The following ANO3 variants were observed in gnomAD, a reference collection of about 807,000 sequenced individuals.
The protein encoded by ANO3 is anoctamin 3.
A neutral mutation model predicts 144.8 loss-of-function variants in ANO3; 99 were observed. The ratio of observed to expected loss-of-function variants is 0.68; its 90% CI spans 0.58 to 0.81. ANO3 has a LOEUF of 0.81. Among genes scored for constraint, ANO3 ranks in the 30% least tolerant of loss-of-function variants. The pLI, the probability that ANO3 is intolerant of heterozygous loss-of-function variation, is 0.00. For synonymous variants in ANO3, 414 were observed against 392.6 expected, an observed-to-expected ratio of 1.05 and a Z score of -0.64; for missense variants, 905 against 1,202.2, an observed-to-expected ratio of 0.75 and a Z score of 3.66.
At chr11:26,578,733 GA>G (rs1475367845) in intron 14 of ANO3, among the ~76,000 whole-genome samples, 1 of 152,126 alleles carries the variant, frequency 6.6e-6, no homozygotes, top group Non-Finnish European at 1.5e-5. Context: ...AGAATATGGG[GA>G]TAGAGGCCTA....
chr11:26,515,745 G>A (rs1429613934), intron 5 of ANO3, among the ~76,000 whole-genome samples: 1 of 151,950 alleles, frequency 6.6e-6, no homozygotes, highest in Admixed American at 6.6e-5. Context: ...ATAATGAACA[G>A]TGTTAATCAA....
At chr11:26,615,339 T>C (rs1009370727) in intron 17 of ANO3, among the ~76,000 whole-genome samples, 2 of 150,150 alleles carry the variant, frequency 1.3e-5, no homozygotes, top group African/African-American at 4.9e-5. Context: ...TCTGTTCTCA[T>C]GTGTGGTTCC....
At chr11:26,417,564 C>T (rs1162102738) in intron 1 of ANO3, among the ~76,000 whole-genome samples, 1 of 151,984 alleles carries the variant, frequency 6.6e-6, no homozygotes, top group Admixed American at 6.6e-5. Context: ...AAAATGGCTG[C>T]TCCATAGACA....
intron 16 of ANO3, 118 bp downstream of exon 16, chr11:26,599,116 C>G (rs1851722744): frequency 9.6e-7 from 1 of 1,046,400 alleles, no homozygotes; most frequent in African/African-American, 1.6e-5. Flanking sequence ...TTTCCAACAA[C>G]TTGGTAACAC....
At chr11:26,421,406 C>A (rs751167400) in intron 1 of ANO3, among the ~76,000 whole-genome samples, 3 of 151,774 alleles carry the variant, frequency 2.0e-5, no homozygotes, top group African/African-American at 7.3e-5. Context: ...TGACTACACC[C>A]AATAGTATAG....
upstream of ANO3, among the ~76,000 whole-genome samples, chr11:26,306,376 C>T (rs1462994679): frequency 2.6e-5 from 4 of 152,080 alleles, no homozygotes; most frequent in Non-Finnish European, 5.9e-5. Flanking sequence ...TACCTCTCTC[C>T]AAGGCTCCCG....
chr11:26,192,835 G>A (rs1851504036), intron 1 of ANO3, among the ~76,000 whole-genome samples: 2 of 152,118 alleles, frequency 1.3e-5, no homozygotes, highest in Non-Finnish European at 1.5e-5. Flanking sequence ...TTTAGAAATA[G>A]TCCAGTGAGG....
At chr11:26,223,041 C>G (rs1181480211) in intron 1 of ANO3, among the ~76,000 whole-genome samples, 1 of 145,796 alleles carries the variant, frequency 6.9e-6, no homozygotes, top group African/African-American at 2.5e-5. Flanking sequence ...TCTGAAGATG[C>G]TTTTTTTTTT....
intron 1 of ANO3, among the ~76,000 whole-genome samples, chr11:26,297,657 C>T (rs1407692789): frequency 6.6e-6 from 1 of 152,128 alleles, no homozygotes; most frequent in Non-Finnish European, 1.5e-5. Flanking sequence ...AGTTTGTAAA[C>T]AACTTTTTCT....
At chr11:26,407,620 C>T (rs1857322909) in intron 1 of ANO3, among the ~76,000 whole-genome samples, 1 of 151,932 alleles carries the variant, frequency 6.6e-6, no homozygotes, top group East Asian at 1.9e-4. Flanking sequence ...TGATTTTACT[C>T]ATATCCTTTA....
intron 1 of ANO3, among the ~76,000 whole-genome samples, chr11:26,405,529 T>A (rs998562503): frequency 2.6e-5 from 4 of 151,858 alleles, no homozygotes; most frequent in Admixed American, 1.3e-4. Flanking sequence ...TCTGCCATTA[T>A]TCCGTGTAGG....
intron 1 of ANO3, among the ~76,000 whole-genome samples, chr11:26,270,772 C>T (rs1590226357): frequency 6.6e-6 from 1 of 152,182 alleles, no homozygotes; most frequent in South Asian, 2.1e-4. Context: ...AGCTACACTA[C>T]AATCTGCTGA....
At chr11:26,582,722 T>C (rs1337553775) in intron 14 of ANO3, among the ~76,000 whole-genome samples, 2 of 152,176 alleles carry the variant, frequency 1.3e-5, no homozygotes, top group Non-Finnish European at 1.5e-5. Context: ...TTCTTCTTTA[T>C]ACTTTTAATT....
upstream of ANO3, among the ~76,000 whole-genome samples, chr11:26,331,023 A>G (rs973062000): frequency 1.3e-5 from 2 of 152,230 alleles, no homozygotes; most frequent in African/African-American, 4.8e-5. Context: ...GAGCAGAGAT[A>G]GATGGAGGAA....
At chr11:26,628,031 A>G (rs1431317756) in intron 18 of ANO3, among the ~76,000 whole-genome samples, 6 of 152,210 alleles carry the variant, frequency 3.9e-5, no homozygotes, top group Admixed American at 2.0e-4. Flanking sequence ...ACAAAGCAAA[A>G]GAGATAAAGC....
chr11:26,412,882 A>G (rs1857471105), intron 1 of ANO3, among the ~76,000 whole-genome samples: 1 of 150,670 alleles, frequency 6.6e-6, no homozygotes, highest in Non-Finnish European at 1.5e-5. Flanking sequence ...TGTATTTCTC[A>G]TATTCCTTTT....
intron 1 of ANO3, among the ~76,000 whole-genome samples, chr11:26,406,417 T>C (rs914503413): frequency 2.0e-5 from 3 of 151,890 alleles, no homozygotes; most frequent in Non-Finnish European, 2.9e-5. Context: ...ATTCAAACCA[T>C]AGCAACCACT....
At chr11:26,200,480 G>C (rs527768715) in intron 1 of ANO3, among the ~76,000 whole-genome samples, 10 of 152,162 alleles carry the variant, frequency 6.6e-5, no homozygotes, top group African/African-American at 2.4e-4. Flanking sequence ...ACTACAATTT[G>C]TTGTAATATA....
chr11:26,616,495 T>G (rs925205500), intron 17 of ANO3, among the ~76,000 whole-genome samples: 1 of 151,766 alleles, frequency 6.6e-6, no homozygotes, highest in Non-Finnish European at 1.5e-5. Context: ...CAAAAACATC[T>G]TGAAAAGATT....
Sources: gnomAD v4.1 joint callset for allele counts (sites outside exome capture counted in the v4.1 genomes callset) on GRCh38, gnomAD v4.1.1 for gene constraint, MANE v1.5 for transcripts, NCBI Gene and HGNC (gene_info 2026-07-23, HGNC 2026-07-21) for gene names.